The following MSRA variants were observed in gnomAD, a reference collection of about 807,000 sequenced individuals.
MSRA encodes mitochondrial peptide methionine sulfoxide reductase.
In MSRA, 54 loss-of-function variants were observed where a neutral mutation model predicts 31.3. The observed-to-expected ratio is 1.73, with a 90% CI of 1.39 to 2.17. MSRA has a LOEUF of 2.17. Ranked by LOEUF, MSRA falls within the 30% of genes most tolerant of loss-of-function variation. MSRA has a pLI of 0.00. For synonymous variants in MSRA, 169 were observed against 116.5 expected, an observed-to-expected ratio of 1.45 and a Z score of -2.90; for missense variants, 507 against 300.9, an observed-to-expected ratio of 1.69 and a Z score of -5.07.
At position 10,155,002 on chromosome 8, in the gene MSRA, T is replaced by TATATATATATATATATATATATATA. The variant is rs1554468813; in HGVS notation, c.143-52831_143-52830insATATATATATATATATATATATATA. Among the ~76,000 whole-genome samples the TATATATATATATATATATATATATA allele has an allele frequency of 2.7e-3, 336 of 123,858 alleles. 16 individuals are homozygous for TATATATATATATATATATATATATA. The highest frequency in any genetic ancestry group is 0.02 in the Admixed American group (251 of 12,250). 81.3% of individuals were successfully genotyped at this position (123,858 alleles called of 152,430 possible). On this transcript the variant is annotated intron_variant, in intron 1 of 5. Transcript: ENST00000317173. The stretch of plus-strand genomic sequence containing the variant: ...AATAGTTTGATAATGTGTATATATT[T>TATATATATATATATATATATATATA]TATATATATATAGGTTTTACCTTGC...
intron 1 of MSRA, among the ~76,000 whole-genome samples, chr8:10,126,485 C>G (rs191422741): frequency 6.6e-6 from 1 of 152,100 alleles, no homozygotes; most frequent in Admixed American, 6.5e-5. Flanking sequence ...TTCCACTTAA[C>G]ATCATCAGGC....
intron 5 of MSRA, among the ~76,000 whole-genome samples, chr8:10,342,610 C>G (rs934458263): frequency 2.0e-5 from 3 of 152,182 alleles, no homozygotes; most frequent in Non-Finnish European, 2.9e-5. Flanking sequence ...AAATCTGAGG[C>G]CGTTGTATCA....
intron 5 of MSRA, among the ~76,000 whole-genome samples, chr8:10,362,226 C>T (rs987980918): frequency 1.3e-5 from 2 of 152,104 alleles, no homozygotes; most frequent in Non-Finnish European, 2.9e-5. Flanking sequence ...ATGCCTAGTG[C>T]CTGCCCCAGT....
chr8:10,214,334 A>T (rs577253415), intron 2 of MSRA, among the ~76,000 whole-genome samples: 1 of 152,222 alleles, frequency 6.6e-6, no homozygotes, highest in Non-Finnish European at 1.5e-5. Flanking sequence ...AGTGAGATCA[A>T]TGTAAGATGA....
intron 3 of MSRA, among the ~76,000 whole-genome samples, chr8:10,295,709 G>C (rs766306306): frequency 2.3e-4 from 35 of 152,168 alleles, no homozygotes; most frequent in Non-Finnish European, 4.9e-4. Context: ...GTGGTCACTT[G>C]GCACCCCCTG....
chr8:10,406,596 C>A (rs767725198), intron 5 of MSRA, among the ~76,000 whole-genome samples: 1 of 152,160 alleles, frequency 6.6e-6, no homozygotes, highest in Non-Finnish European at 1.5e-5. Flanking sequence ...GTATTGGAGG[C>A]GTCTCCTTGG....
intron 5 of MSRA, among the ~76,000 whole-genome samples, chr8:10,370,380 T>C (rs1184612646): frequency 3.9e-5 from 6 of 152,176 alleles, no homozygotes; most frequent in African/African-American, 1.4e-4. Context: ...TTATACATGG[T>C]GGCATAGCAT....
At chr8:10,286,192 A>C (rs1485882871) in intron 3 of MSRA, among the ~76,000 whole-genome samples, 1 of 152,106 alleles carries the variant, frequency 6.6e-6, no homozygotes, top group Non-Finnish European at 1.5e-5. Context: ...TCTTACCTCT[A>C]CCTGTGTGTG....
chr8:10,133,469 C>G (rs1308354388), intron 1 of MSRA, among the ~76,000 whole-genome samples: 1 of 152,160 alleles, frequency 6.6e-6, no homozygotes, highest in Non-Finnish European at 1.5e-5. Context: ...GGTCTTAGGT[C>G]TCTCCTCTGT....
chr8:10,333,186 G>T (rs369696110), intron 5 of MSRA, among the ~76,000 whole-genome samples: 3 of 152,104 alleles, frequency 2.0e-5, no homozygotes, highest in Non-Finnish European at 2.9e-5. Context: ...ATTTCTCCAC[G>T]GGCCACACTC....
intron 5 of MSRA, among the ~76,000 whole-genome samples, chr8:10,340,504 C>T (rs1803358061): frequency 6.6e-6 from 1 of 152,164 alleles, no homozygotes; most frequent in African/African-American, 2.4e-5. Context: ...TCCAGAATAG[C>T]TGGGATTTTA....
intron 1 of MSRA, among the ~76,000 whole-genome samples, chr8:10,059,264 C>T (rs936314673): frequency 6.6e-6 from 1 of 152,160 alleles, no homozygotes; most frequent in Non-Finnish European, 1.5e-5. Context: ...ATAGCTCACA[C>T]TTGTTAAGTG....
At chr8:10,301,784 AG>A (rs1800862376) in intron 4 of MSRA, 146 bp downstream of exon 4, 1 of 706,482 alleles carries the variant, frequency 1.4e-6, no homozygotes, top group Middle Eastern at 3.3e-4. Flanking sequence ...GGAGGAGAGG[AG>A]GGGCTGGGGA....
intron 4 of MSRA, among the ~76,000 whole-genome samples, chr8:10,305,508 G>A (rs1252313950): frequency 6.7e-6 from 1 of 150,120 alleles, no homozygotes; most frequent in Non-Finnish European, 1.5e-5. Flanking sequence ...CTGCTTCACA[G>A]GTTCAAGTGA....
chr8:10,244,315 G>A (rs1218030283), intron 2 of MSRA, among the ~76,000 whole-genome samples: 3 of 152,196 alleles, frequency 2.0e-5, no homozygotes, highest in Admixed American at 6.5e-5. Flanking sequence ...GCCCAAGGAA[G>A]TGCATGGCAA....
chr8:10,315,432 G>A (rs1801657663), intron 4 of MSRA, among the ~76,000 whole-genome samples: 1 of 152,230 alleles, frequency 6.6e-6, no homozygotes. Flanking sequence ...ATTAGTGGTG[G>A]TGATGTGAGT....
rs556390657 is a variant in MSRA, at chr8:10,301,522, G to GT, written c.332-6dup. 9 of 1,604,504 alleles carry GT rather than the reference G, an allele frequency of 5.6e-6. No individual in the cohort carries two copies. The highest frequency in any genetic ancestry group is 7.7e-6 in the Non-Finnish European group (9 of 1,176,438). ...TCAGTAAATTTCGGTTGTACGTTTTGTTTTTTCCAAGAAAAAACTGGCCAT... is the reference window on the plus strand; with the variant it reads ...TCAGTAAATTTCGGTTGTACGTTTTGTTTTTTTCCAAGAAAAAACTGGCCAT... On this transcript the variant is annotated splice_polypyrimidine_tract_variant and intron_variant, in intron 3 of 5. Coordinates refer to ENST00000317173, the MANE Select transcript of MSRA (RefSeq NM_012331.5).
At chr8:10,172,618 A>G (rs1430378484) in intron 1 of MSRA, among the ~76,000 whole-genome samples, 1 of 152,194 alleles carries the variant, frequency 6.6e-6, no homozygotes, top group East Asian at 1.9e-4. Flanking sequence ...TTAAGGGGGC[A>G]AAAGAAATGG....
chr8:10,250,722 G>C lies in MSRA; in HGVS notation c.331+5499G>C, dbSNP rs559391271. The C allele has an allele frequency of 1.5e-4, 77 of 497,064 alleles. No individual in the cohort carries two copies. The East Asian group carries it at 2.4e-3, about 15-fold the overall frequency. 30.8% of individuals were successfully genotyped at this position (497,064 alleles called of 1,614,324 possible). A position where few individuals can be genotyped will look rare whatever the true frequency, so the allele number is the denominator to read the frequency against. ...GGTGATGGAACTGACTGTATGGTCT[G>C]CAAAACCTAAAATATTTACTGTCAG... On this transcript the variant is annotated intron_variant, in intron 3 of 5. Coordinates refer to ENST00000317173, the MANE Select transcript of MSRA (RefSeq NM_012331.5).
Sources: gnomAD v4.1 joint callset for allele counts (sites outside exome capture counted in the v4.1 genomes callset) on GRCh38, gnomAD v4.1.1 for gene constraint, MANE v1.5 for transcripts, NCBI Gene and HGNC (gene_info 2026-07-23, HGNC 2026-07-21) for gene names.